The following ATF7 variants were observed in gnomAD, a reference collection of about 807,000 sequenced individuals.
ATF7 encodes activating transcription factor 7.
A neutral mutation model predicts 50.4 loss-of-function variants in ATF7; 10 were observed. The ratio of observed to expected loss-of-function variants is 0.20; its 90% CI spans 0.12 to 0.34. ATF7 has a LOEUF of 0.34. Ranked by LOEUF, ATF7 falls within the 10% of genes least tolerant of loss-of-function variation. ATF7 has a pLI of 1.00. For missense variants in ATF7, 465 were observed against 613.9 expected (o/e 0.76, Z 2.56); for synonymous variants, 201 against 226.4 (o/e 0.89, Z 1.01).
chr12:53,624,372 T>C (rs1944521216), intron 1 of ATF7, among the ~76,000 whole-genome samples: 1 of 152,236 alleles, frequency 6.6e-6, no homozygotes, highest in South Asian at 2.1e-4. Flanking sequence ...GTAATAGCTT[T>C]ACTGATATTT....
At chr12:53,547,283 CTTTTTTTTTTTT>C (rs34610513) in intron 3 of ATF7, among the ~76,000 whole-genome samples, 1 of 62,542 alleles carries the variant, frequency 1.6e-5, no homozygotes, top group African/African-American at 6.4e-5. Context: ...CGTGCCCAGC[CTTTTTTTTTTTT>C]TTTTTTTTTG....
intron 2 of ATF7, among the ~76,000 whole-genome samples, chr12:53,566,847 G>A (rs1258620056): frequency 3.3e-5 from 5 of 151,968 alleles, no homozygotes; most frequent in Non-Finnish European, 4.4e-5. Context: ...TCTGCCTCCC[G>A]GGTTCAAGCA....
At chr12:53,575,355 C>T (rs549877302) in intron 2 of ATF7, among the ~76,000 whole-genome samples, 5 of 150,380 alleles carry the variant, frequency 3.3e-5, no homozygotes, top group East Asian at 2.0e-4. Flanking sequence ...TGCGGTGAGC[C>T]GAGATTGTGC....
chr12:53,509,545 C>A (rs1185512516), downstream of ATF7, among the ~76,000 whole-genome samples: 3 of 151,338 alleles, frequency 2.0e-5, no homozygotes, highest in African/African-American at 7.3e-5. Context: ...GCTCTGTCAC[C>A]CAGGCTGGAG....
chr12:53,569,559 T>C (rs1941632548), intron 2 of ATF7, among the ~76,000 whole-genome samples: 1 of 152,244 alleles, frequency 6.6e-6, no homozygotes, highest in African/African-American at 2.4e-5. Flanking sequence ...TAGAATGTAA[T>C]TACATTTTCA....
chr12:53,522,485 G>A (rs1422735299), intron 11 of ATF7: 2 of 152,126 alleles, frequency 1.3e-5, no homozygotes, highest in East Asian at 3.8e-4. Context: ...TTTGAACCTG[G>A]GAGGCAGAGG....
At chr12:53,540,022 C>CA (rs1939446041) in intron 4 of ATF7, among the ~76,000 whole-genome samples, 1 of 151,810 alleles carries the variant, frequency 6.6e-6, no homozygotes, top group Non-Finnish European at 1.5e-5. Flanking sequence ...AGCACCATTG[C>CA]ACTCTAGCCT....
At chr12:53,576,832 A>G (rs1942094196) in intron 2 of ATF7, among the ~76,000 whole-genome samples, 1 of 152,162 alleles carries the variant, frequency 6.6e-6, no homozygotes, top group African/African-American at 2.4e-5. Context: ...AGGTGGGTGA[A>G]TCACTTGAGG....
chr12:53,587,399 G>A (rs917124298), intron 2 of ATF7, among the ~76,000 whole-genome samples: 1 of 119,086 alleles, frequency 8.4e-6, no homozygotes, highest in African/African-American at 2.9e-5. Flanking sequence ...AAAACGTGAC[G>A]CACGCCTGTA....
At chr12:53,539,525 C>A (rs935894438) in intron 4 of ATF7, among the ~76,000 whole-genome samples, 16 of 152,032 alleles carry the variant, frequency 1.1e-4, no homozygotes, top group African/African-American at 3.9e-4. Flanking sequence ...GAGACCCTGT[C>A]TCTATGAAAA....
intron 1 of ATF7, among the ~76,000 whole-genome samples, chr12:53,615,471 G>A (rs554360613): frequency 5.3e-5 from 8 of 152,298 alleles, no homozygotes; most frequent in African/African-American, 1.9e-4. Context: ...AAACCAACAA[G>A]GTGTTATTCA....
chr12:53,625,448 A>G (rs940192341), intron 1 of ATF7, among the ~76,000 whole-genome samples: 1 of 152,174 alleles, frequency 6.6e-6, no homozygotes. Flanking sequence ...AGACATGTGT[A>G]TATCAGCCAT....
At chr12:53,567,979 C>A (rs1378008531) in intron 2 of ATF7, among the ~76,000 whole-genome samples, 2 of 152,150 alleles carry the variant, frequency 1.3e-5, no homozygotes, top group African/African-American at 4.8e-5. Flanking sequence ...CTTTTATCTT[C>A]TAATTTGCTA....
At chr12:53,534,080 G>A (rs538032911) in intron 6 of ATF7, among the ~76,000 whole-genome samples, 26 of 152,270 alleles carry the variant, frequency 1.7e-4, no homozygotes, top group African/African-American at 2.4e-4. Context: ...GATCGAGATC[G>A]TCCTGGCTAA....
At chr12:53,523,075 C>G in intron 11 of ATF7, 1 of 498,520 alleles carries the variant, frequency 2.0e-6, no homozygotes, top group Non-Finnish European at 3.6e-6. Flanking sequence ...CTTCAACCCC[C>G]AACTATAACA....
At chr12:53,551,835 T>C (rs1255883037) in intron 3 of ATF7, among the ~76,000 whole-genome samples, 2 of 152,248 alleles carry the variant, frequency 1.3e-5, no homozygotes, top group Non-Finnish European at 2.9e-5. Flanking sequence ...GAACCTCTCA[T>C]GGATCAAAAG....
chr12:53,564,794 G>T (rs754443170), intron 2 of ATF7, among the ~76,000 whole-genome samples: 5 of 152,156 alleles, frequency 3.3e-5, no homozygotes, highest in Non-Finnish European at 7.3e-5. Flanking sequence ...CCAACCTTTG[G>T]CCTGCAGACC....
chr12:53,584,808 T>C (rs2137725306), intron 2 of ATF7, among the ~76,000 whole-genome samples: 1 of 152,280 alleles, frequency 6.6e-6, no homozygotes, highest in East Asian at 1.9e-4. Context: ...ATTGTATGAT[T>C]CCAACTAAAC....
chr12:53,615,282 G>C (rs774331199), intron 1 of ATF7, among the ~76,000 whole-genome samples: 1 of 152,078 alleles, frequency 6.6e-6, no homozygotes, highest in Non-Finnish European at 1.5e-5. Flanking sequence ...TACTCGGGAG[G>C]CTGAGGCAGA....
Sources: gnomAD v4.1 joint callset for allele counts (sites outside exome capture counted in the v4.1 genomes callset) on GRCh38, gnomAD v4.1.1 for gene constraint, MANE v1.5 for transcripts, NCBI Gene and HGNC (gene_info 2026-07-23, HGNC 2026-07-21) for gene names.